Variants in WDR70 observed in about 807,000 individuals in gnomAD.
WDR70 encodes WD repeat-containing protein 70.
WDR70 carries 53 observed loss-of-function variants against 88.6 expected under a neutral mutation model. That is an observed-to-expected ratio of 0.60 (90% CI 0.48 to 0.75). The LOEUF (loss-of-function observed/expected upper bound fraction) is 0.75. Ranked by LOEUF, WDR70 falls within the 30% of genes least tolerant of loss-of-function variation. The pLI, the probability that WDR70 is intolerant of heterozygous loss-of-function variation, is 0.00. For missense variants in WDR70, 610 were observed against 823.2 expected, an observed-to-expected ratio of 0.74 and a Z score of 3.17; for synonymous variants, 280 against 270.0, an observed-to-expected ratio of 1.04 and a Z score of -0.36.
At chr5:37,688,599 G>A (rs1433252729) in intron 10 of WDR70, among the ~76,000 whole-genome samples, 3 of 151,790 alleles carry the variant, frequency 2.0e-5, no homozygotes, top group African/African-American at 7.2e-5. Flanking sequence ...ATAAGGAAGT[G>A]GCAAATTTTC....
chr5:37,448,860 T>C (rs1738577455), intron 7 of WDR70, among the ~76,000 whole-genome samples: 1 of 152,172 alleles, frequency 6.6e-6, no homozygotes, highest in Non-Finnish European at 1.5e-5. Flanking sequence ...TTTTGAGGGG[T>C]ATTGGTCGGG....
At chr5:37,428,481 T>C (rs1328950746) in intron 5 of WDR70, among the ~76,000 whole-genome samples, 2 of 152,222 alleles carry the variant, frequency 1.3e-5, no homozygotes, top group Admixed American at 6.5e-5. Context: ...TCACTATAGG[T>C]TAATTTAGCC....
intron 9 of WDR70, among the ~76,000 whole-genome samples, chr5:37,566,713 G>T (rs1484716114): frequency 1.3e-5 from 2 of 152,170 alleles, no homozygotes; most frequent in Non-Finnish European, 2.9e-5. Flanking sequence ...AATGACTAGT[G>T]AATTAGCAAT....
intron 10 of WDR70, among the ~76,000 whole-genome samples, chr5:37,673,207 C>A (rs186343030): frequency 6.6e-6 from 1 of 152,136 alleles, no homozygotes; most frequent in Admixed American, 6.5e-5. Context: ...CCATCTCCAT[C>A]CATGTTCCTG....
At chr5:37,685,178 A>G (rs1330095655) in intron 10 of WDR70, among the ~76,000 whole-genome samples, 1 of 152,058 alleles carries the variant, frequency 6.6e-6, no homozygotes. Flanking sequence ...CACTGACTGC[A>G]ATGGTGGTAT....
chr5:37,702,993 G>A lies in WDR70; in HGVS notation c.1322G>A (p.Gly441Asp). 1 of 1,613,734 alleles carries A rather than the reference G, an allele frequency of 6.2e-7. No individual in the cohort carries two copies. The highest frequency in any genetic ancestry group is 8.5e-7 in the Non-Finnish European group (1 of 1,179,718). Reference sequence around the variant, plus strand: ...CCAGATGATAAGCTCATAGTCACTGGTACATCTATTCAAAGAGGATGTGGC... The same window carrying A: ...CCAGATGATAAGCTCATAGTCACTGATACATCTATTCAAAGAGGATGTGGC... ...FSPDDKLIVT[G>D]TSIQRGCGSG... Residue 441 changes from glycine to aspartate, a missense_variant, in exon 13 of 18, where the codon GGT becomes GAT. Gly to Asp is a moderately conservative substitution (Grantham distance 94). This residue lies in a region of WDR70 where 254 missense variants were observed against 300.7 expected (regional missense o/e 0.84). Transcript: ENST00000265107.
intron 10 of WDR70, among the ~76,000 whole-genome samples, chr5:37,623,099 A>G (rs1385504390): frequency 1.3e-5 from 2 of 152,330 alleles, no homozygotes; most frequent in Non-Finnish European, 2.9e-5. Context: ...AGACCAATCA[A>G]TGCTAAATCA....
chr5:37,726,913 G>A lies in WDR70; in HGVS notation c.1745G>A (p.Gly582Asp). 1.9e-6 allele frequency: 3 copies of A among 1,595,792 alleles called. No individual in the cohort carries two copies. Among genetic ancestry groups the A allele is most frequent in the South Asian group, 1.1e-5 (1 of 87,464 alleles). The change falls in exon 17 of 18, where the codon GGC (glycine) becomes GAC (aspartate). Residue 582 changes from glycine to aspartate, a missense_variant. By Grantham distance (94) the Gly-to-Asp change is moderately conservative (BLOSUM62 -1). Coordinates refer to ENST00000265107, the MANE Select transcript of WDR70 (RefSeq NM_018034.4). The part of the protein sequence containing the change: ...GRGGRVGTHG[G>D]TLSSYIVKNI... ...GGTGGCCGAGTTGGAACCCACGGGG[G>A]CACTCTCTCTTCCTATATTGTGAAG...
At chr5:37,722,796 A>C in intron 14 of WDR70, 59 bp from the exon 15 acceptor site, 1 of 1,521,070 alleles carries the variant, frequency 6.6e-7, no homozygotes, top group Non-Finnish European at 9.1e-7. Context: ...TGTTTTCAAC[A>C]TGAAATTTTC....
intron 10 of WDR70, among the ~76,000 whole-genome samples, chr5:37,641,108 C>G (rs994378897): frequency 3.3e-5 from 5 of 152,192 alleles, no homozygotes; most frequent in Non-Finnish European, 7.3e-5. Context: ...TTCCCTTATT[C>G]ACAGCATGCT....
chr5:37,701,972 T>A (rs1202793165), intron 12 of WDR70, among the ~76,000 whole-genome samples: 1 of 152,138 alleles, frequency 6.6e-6, no homozygotes, highest in Non-Finnish European at 1.5e-5. Context: ...TCTACTAAAT[T>A]GGCACCTGAA....
intron 17 of WDR70, among the ~76,000 whole-genome samples, chr5:37,747,049 G>A (rs1748656082): frequency 6.6e-6 from 1 of 152,214 alleles, no homozygotes; most frequent in Middle Eastern, 3.4e-3. Flanking sequence ...GAACCCAGCA[G>A]CACATCAAAA....
intron 8 of WDR70, among the ~76,000 whole-genome samples, chr5:37,487,624 TGTA>T (rs1192370423): frequency 0.11 from 1,501 of 13,842 alleles, 31 homozygotes; most frequent in African/African-American, 0.15. Context: ...TATATATATA[TGTA>T]TTTTTTTTTT....
chr5:37,707,454 T>C (rs957265255), intron 13 of WDR70, among the ~76,000 whole-genome samples: 8 of 152,216 alleles, frequency 5.3e-5, no homozygotes, highest in African/African-American at 1.7e-4. Flanking sequence ...TCTAGTTTTG[T>C]AAATACTGGC....
intron 10 of WDR70, among the ~76,000 whole-genome samples, chr5:37,617,063 T>C (rs1414848402): frequency 6.6e-6 from 1 of 152,244 alleles, no homozygotes; most frequent in East Asian, 1.9e-4. Flanking sequence ...TAATGAACAC[T>C]TACTTTGTTC....
At chr5:37,417,706 T>A (rs1581263028) in intron 5 of WDR70, among the ~76,000 whole-genome samples, 1 of 152,248 alleles carries the variant, frequency 6.6e-6, no homozygotes, top group South Asian at 2.1e-4. Context: ...GCCGAGCTAA[T>A]TATTTTATTA....
At chr5:37,670,747 G>C (rs1391590944) in intron 10 of WDR70, among the ~76,000 whole-genome samples, 2 of 152,178 alleles carry the variant, frequency 1.3e-5, no homozygotes, top group Non-Finnish European at 2.9e-5. Flanking sequence ...CTTTCATATA[G>C]TATATTAATT....
At chr5:37,510,030 A>C in intron 8 of WDR70, among the ~76,000 whole-genome samples, 1 of 151,378 alleles carries the variant, frequency 6.6e-6, no homozygotes, top group East Asian at 1.9e-4. Context: ...GCACCATTGC[A>C]CTTGAGCCTC....
At chr5:37,481,232 C>G (rs1340288011) in intron 8 of WDR70, among the ~76,000 whole-genome samples, 2 of 152,182 alleles carry the variant, frequency 1.3e-5, no homozygotes, top group South Asian at 2.1e-4. Flanking sequence ...GCCGTTTTCT[C>G]ACAGCTCTGC....
Sources: allele counts gnomAD v4.1 joint callset (sites outside exome capture counted in the v4.1 genomes callset), GRCh38; gene constraint gnomAD v4.1.1; regional missense constraint gnomAD v4.1.1; transcripts MANE v1.5; gene names NCBI Gene and HGNC (gene_info 2026-07-23, HGNC 2026-07-21).